The following PPL variants were observed in gnomAD, a reference collection of about 807,000 sequenced individuals.
PPL encodes the protein 190 kDa paraneoplastic pemphigus antigen.
PPL carries 198 observed loss-of-function variants against 194.4 expected under a neutral mutation model. The ratio of observed to expected loss-of-function variants is 1.02; its 90% CI spans 0.91 to 1.15. The LOEUF (loss-of-function observed/expected upper bound fraction) is 1.15. Among genes scored for constraint, PPL ranks in the 50% most tolerant of loss-of-function variants. PPL has a pLI of 0.00. For synonymous variants in PPL, 1,220 were observed against 972.4 expected, an observed-to-expected ratio of 1.25 and a Z score of -4.74; for missense variants, 2,885 against 2,294.8, an observed-to-expected ratio of 1.26 and a Z score of -5.25.
chr16:4,928,387 C>T (rs555160418), intron 1 of PPL, among the ~76,000 whole-genome samples: 2 of 152,352 alleles, frequency 1.3e-5, no homozygotes, highest in Admixed American at 6.5e-5. Flanking sequence ...AGTTCTTACC[C>T]AGACACTTTG....
intron 1 of PPL, among the ~76,000 whole-genome samples, chr16:4,917,936 T>C (rs550162815): frequency 6.7e-6 from 1 of 148,182 alleles, no homozygotes; most frequent in African/African-American, 2.5e-5. Context: ...CTGAACACTT[T>C]AAATGAGTGA....
At chr16:4,897,462 G>C (rs2088453848) in intron 9 of PPL, among the ~76,000 whole-genome samples, 1 of 152,066 alleles carries the variant, frequency 6.6e-6, no homozygotes, top group African/African-American at 2.4e-5. Context: ...TCAGACTCTG[G>C]CCCTGGTCCC....
chr16:4,885,084 G>C lies in PPL; in HGVS notation c.3571C>G (p.Leu1191Val), dbSNP rs200643722. The change falls in exon 22 of 22, where the codon CTC (leucine) becomes GTC (valine). Residue 1191 changes from leucine (L) to valine (V), a missense_variant. Leu to Val is a conservative substitution (Grantham distance 32). Transcript: ENST00000345988. The surrounding 1 kb of genome is among the most constrained non-coding windows in gnomAD (Gnocchi z 6.3). ...TCCTGCTCCACAAGCTCCAGGCGGAGGTTCGCCACTTCACTTTCCGCCTTG... is the reference window on the plus strand; with the variant it reads ...TCCTGCTCCACAAGCTCCAGGCGGACGTTCGCCACTTCACTTTCCGCCTTG... Reference protein sequence around the residue: ...DPKAESEVANLRLELVEQERK... With the variant: ...DPKAESEVANVRLELVEQERK... The C allele has an allele frequency of 6.2e-7, 1 of 1,613,700 alleles. No homozygotes were observed. The highest frequency in any genetic ancestry group is 2.2e-5 in the East Asian group (1 of 44,862).
At chr16:4,901,152 A>C in intron 4 of PPL, 63 bp from the exon 5 acceptor site, 2 of 1,575,636 alleles carry the variant, frequency 1.3e-6, no homozygotes, top group Non-Finnish European at 8.6e-7. Context: ...ACGTGTGGCC[A>C]CCCCAGGAGC....
intron 18 of PPL, 149 bp from the exon 19 acceptor site, chr16:4,889,210 C>T: frequency 3.6e-6 from 1 of 280,564 alleles, no homozygotes; most frequent in Non-Finnish European, 6.4e-6. Flanking sequence ...CATTTTTATT[C>T]ATTGCAAAAG....
chr16:4,887,690 A>G (rs2088241020), intron 20 of PPL, among the ~76,000 whole-genome samples: 1 of 151,620 alleles, frequency 6.6e-6, no homozygotes, highest in Admixed American at 6.6e-5. Context: ...GCAGCCTTGA[A>G]CTCCTGGGCC....
chr16:4,912,071 C>T (rs773240155), intron 1 of PPL, among the ~76,000 whole-genome samples: 3 of 152,118 alleles, frequency 2.0e-5, no homozygotes, highest in Non-Finnish European at 4.4e-5. Flanking sequence ...ACTCACATAC[C>T]GTAAAATTCA....
At chr16:4,900,558 G>T (rs561640218) in intron 6 of PPL, among the ~76,000 whole-genome samples, 1 of 147,684 alleles carries the variant, frequency 6.8e-6, no homozygotes, top group East Asian at 2.1e-4. Context: ...TCCCACTTCA[G>T]CCTCCCAAGT....
At chr16:4,912,974 T>A (rs182270132) in intron 1 of PPL, among the ~76,000 whole-genome samples, 1 of 151,836 alleles carries the variant, frequency 6.6e-6, no homozygotes, top group Non-Finnish European at 1.5e-5. Context: ...TGTGGTGGCA[T>A]GCGCCTGTAG....
At chr16:4,888,034 G>A (rs2088246129) in intron 20 of PPL, 68 bp downstream of exon 20, 1 of 1,141,486 alleles carries the variant, frequency 8.8e-7, no homozygotes, top group East Asian at 2.4e-5. Flanking sequence ...GTGACACCAT[G>A]CTCCCTGGGG....
intron 2 of PPL, among the ~76,000 whole-genome samples, chr16:4,909,188 G>C (rs950967559): frequency 1.3e-5 from 2 of 152,084 alleles, no homozygotes; most frequent in Admixed American, 1.3e-4. Flanking sequence ...AGAGAACAGA[G>C]TCTCCACTTA....
chr16:4,900,929 T>A, intron 5 of PPL, 35 bp downstream of exon 5: 3 of 1,613,842 alleles, frequency 1.9e-6, no homozygotes, highest in Non-Finnish European at 2.5e-6. Flanking sequence ...GCCCCCTCCA[T>A]CCCTGGGTCC....
intron 2 of PPL, among the ~76,000 whole-genome samples, chr16:4,906,439 A>T (rs979458568): frequency 6.6e-6 from 1 of 151,922 alleles, no homozygotes; most frequent in Non-Finnish European, 1.5e-5. Context: ...GTTAGCCAGG[A>T]TGGTCTCGAT....
intron 1 of PPL, 57 bp downstream of exon 1, chr16:4,936,927 C>T: frequency 3.3e-6 from 5 of 1,526,974 alleles, no homozygotes; most frequent in Non-Finnish European, 4.4e-6. Flanking sequence ...TCTTCCAGGT[C>T]CTGTGCGCCC....
chr16:4,892,243 A>G, intron 14 of PPL, 30 bp from the exon 15 acceptor site: 1 of 1,595,974 alleles, frequency 6.3e-7, no homozygotes, highest in South Asian at 1.1e-5. Context: ...TCAGTTTTGG[A>G]CACAGCCAGG....
intron 1 of PPL, among the ~76,000 whole-genome samples, chr16:4,935,116 G>C (rs181606935): frequency 6.6e-6 from 1 of 152,190 alleles, no homozygotes; most frequent in Non-Finnish European, 1.5e-5. Flanking sequence ...CAGATATACA[G>C]AGAGTGGCAG....
At position 4,891,824 on chromosome 16, in the gene PPL, C is replaced by T; in HGVS notation, c.1955G>A (p.Gly652Glu). ...PESSRVLDSK[G>E]QELAAMACEL... ...CCCTAGACTCACCGCCAGCTCCTGC[C>T]CCTTGCTGTCCAGGACACGGCTGCT... The change falls in exon 16 of 22, where the codon GGG (glycine) becomes GAG (glutamate). Residue 652 changes from glycine (G) to glutamate (E), a missense_variant. By Grantham distance (98) the Gly-to-Glu change is moderately conservative. Transcript: ENST00000345988. The T allele has an allele frequency of 6.2e-7, 1 of 1,611,752 alleles. No homozygotes were observed. Among genetic ancestry groups the T allele is most frequent in the South Asian group, 1.1e-5 (1 of 90,810 alleles).
intron 11 of PPL, 48 bp from the exon 12 acceptor site, chr16:4,894,666 C>G (rs750231468): frequency 6.3e-7 from 1 of 1,587,532 alleles, no homozygotes; most frequent in South Asian, 1.1e-5. Context: ...GGCCTGAGGG[C>G]CTGGGAGCCC....
chr16:4,928,776 C>T (rs989890042), intron 1 of PPL, among the ~76,000 whole-genome samples: 9 of 151,984 alleles, frequency 5.9e-5, no homozygotes, highest in South Asian at 4.1e-4. Context: ...TTTAGGAAGC[C>T]GAGGCAGGTG....
Sources: allele counts gnomAD v4.1 joint callset (sites outside exome capture counted in the v4.1 genomes callset), GRCh38; gene constraint gnomAD v4.1.1; non-coding constraint Gnocchi (gnomAD v3.1); transcripts MANE v1.5; gene names NCBI Gene and HGNC (gene_info 2026-07-23, HGNC 2026-07-21).